The following SMAD5 variants were observed in gnomAD, a reference collection of about 807,000 sequenced individuals.
SMAD5 encodes the protein MAD, mothers against decapentaplegic homolog 5.
In SMAD5, 9 loss-of-function variants were observed where a neutral mutation model predicts 43.1. The ratio of observed to expected loss-of-function variants is 0.21; its 90% CI spans 0.13 to 0.36. SMAD5 has a LOEUF of 0.36. Ranked by LOEUF, SMAD5 falls within the 10% of genes least tolerant of loss-of-function variation. The pLI, the probability that SMAD5 is intolerant of heterozygous loss-of-function variation, is 1.00. For synonymous variants in SMAD5, 190 were observed against 192.4 expected, an observed-to-expected ratio of 0.99 and a Z score of 0.10; for missense variants, 348 against 574.0, an observed-to-expected ratio of 0.61 and a Z score of 4.02.
At position 136,174,429 on chromosome 5, in the gene SMAD5, A is replaced by G. The variant is rs1246610377; in HGVS notation, c.1051A>G (p.Ser351Gly). The G allele has an allele frequency of 3.1e-6, 5 of 1,613,612 alleles. No homozygotes were observed. The Admixed American group carries it at 8.3e-5, about 27-fold the overall frequency. Residue 351 changes from serine to glycine, a missense_variant, in exon 7 of 8, where the codon AGC (serine) becomes GGC (glycine). Ser to Gly is a moderately conservative substitution (Grantham distance 56). Transcript: ENST00000545279. ...GEVYAECLSD[S>G]SIFVQSRNCN... ...GGTGTATGCGGAATGCCTCAGTGAC[A>G]GCAGCATATTTGTACAGAGTAGGAA...
chr5:136,139,126 C>CTGTGTGTGTG lies in SMAD5; in HGVS notation c.-245+6165_-245+6166insGTGTGTGTGT, dbSNP rs33970909. On this transcript the variant is annotated intron_variant, in intron 1 of 7. Coordinates refer to ENST00000545279, the MANE Select transcript of SMAD5 (RefSeq NM_005903.7). ...TTCACTTTAGAAATCTAGCTGTGAGCTCTGTGTGTGTGTGTGTGTGTGTGT... is the reference window on the plus strand; with the variant it reads ...TTCACTTTAGAAATCTAGCTGTGAGCTGTGTGTGTGTCTGTGTGTGTGTGTGTGTGTGTGT... 1.2e-3 allele frequency among the ~76,000 whole-genome samples: 168 copies of CTGTGTGTGTG among 139,964 alleles called. 1 individual carries two copies. The highest frequency in any genetic ancestry group is 5.0e-3 in the African/African-American group (160 of 32,314). 91.8% of individuals were successfully genotyped at this position (139,964 alleles called of 152,430 possible).
intron 3 of SMAD5, among the ~76,000 whole-genome samples, chr5:136,154,716 A>AT (rs1753576323): frequency 6.6e-6 from 1 of 151,720 alleles, no homozygotes; most frequent in South Asian, 2.1e-4. Context: ...TTTATGTTTC[A>AT]TTTTTTTCTT....
rs1224117853 is a variant in SMAD5, at chr5:136,180,220, C to G, written c.*2740C>G. 6.6e-6 allele frequency: 1 copy of G among 152,100 alleles called. No individual in the cohort carries two copies. Among genetic ancestry groups the G allele is most frequent in the Non-Finnish European group, 1.5e-5 (1 of 67,990 alleles). The allele number at this position is 152,100 out of a possible 1,614,324, so 9.4% of individuals were successfully genotyped here. A position where few individuals can be genotyped will look rare whatever the true frequency, so the allele number is the denominator to read the frequency against. ...AATTTGCTAGTAAGATTTTTAAAAA[C>G]TGGCTAGTGAAAGGAAAGTACCTCT... is the stretch of plus-strand genomic sequence containing the variant. On this transcript the variant is annotated 3_prime_UTR_variant, in exon 8 of 8. Coordinates refer to ENST00000545279, the MANE Select transcript of SMAD5 (RefSeq NM_005903.7).
chr5:136,135,084 G>C (rs1752829625), intron 1 of SMAD5, among the ~76,000 whole-genome samples: 2 of 152,188 alleles, frequency 1.3e-5, no homozygotes, highest in Admixed American at 1.3e-4. Flanking sequence ...ACTGTGGTAG[G>C]CGCCACAGAA....
intron 1 of SMAD5, among the ~76,000 whole-genome samples, chr5:136,141,441 G>T (rs565611406): frequency 2.0e-5 from 3 of 152,292 alleles, no homozygotes; most frequent in Admixed American, 2.0e-4. Flanking sequence ...ACATATAGGG[G>T]TATAGTTTGG....
chr5:136,165,869 A>G (rs769574893), intron 5 of SMAD5, among the ~76,000 whole-genome samples: 1 of 151,832 alleles, frequency 6.6e-6, no homozygotes, highest in Non-Finnish European at 1.5e-5. Flanking sequence ...TATTGTGAAT[A>G]ATACTACTGT....
intron 2 of SMAD5, among the ~76,000 whole-genome samples, chr5:136,151,621 C>T (rs1753465153): frequency 6.6e-6 from 1 of 151,982 alleles, no homozygotes; most frequent in African/African-American, 2.4e-5. Flanking sequence ...GGTCTTGAAG[C>T]TCCTGTCTTT....
rs1345025185 is a variant in SMAD5 at position 136,178,313 on chromosome 5, T to G, written c.*833T>G. On this transcript the variant is annotated 3_prime_UTR_variant, in exon 8 of 8. Transcript: ENST00000545279. ...GCAAGAACTCTATTTTTGACATGCATTAATCTTTTATTTTGCACTTTTATG... is the reference window on the plus strand; with the variant it reads ...GCAAGAACTCTATTTTTGACATGCAGTAATCTTTTATTTTGCACTTTTATG... 1 of 152,632 alleles carries G rather than the reference T, an allele frequency of 6.6e-6. No homozygotes were observed. Among genetic ancestry groups the G allele is most frequent in the Non-Finnish European group, 1.5e-5 (1 of 68,036 alleles). 9.5% of individuals were successfully genotyped at this position (152,632 alleles called of 1,614,324 possible). A position where few individuals can be genotyped will look rare whatever the true frequency, so the allele number is the denominator to read the frequency against.
At position 136,177,327 on chromosome 5, in the gene SMAD5, A is replaced by T; in HGVS notation, c.1255-10A>T. 1.2e-6 allele frequency: 2 copies of T among 1,613,378 alleles called. No homozygotes were observed. Among genetic ancestry groups the T allele is most frequent in the Admixed American group, 3.3e-5 (2 of 59,984 alleles). On this transcript the variant is annotated splice_polypyrimidine_tract_variant and intron_variant, in intron 7 of 7. Transcript: ENST00000545279. Reference sequence around the variant, plus strand: ...GAGGGATTTGTGATGATATCTGTTCATTTTCATAGGGTTGGGGAGCAGAAT... The same window carrying T: ...GAGGGATTTGTGATGATATCTGTTCTTTTTCATAGGGTTGGGGAGCAGAAT...
At position 136,174,544 on chromosome 5, in the gene SMAD5, C is replaced by T. The variant is rs1201269896; in HGVS notation, c.1166C>T (p.Ala389Val). The T allele has an allele frequency of 6.2e-7, 1 of 1,613,590 alleles. No individual in the cohort carries two copies. Among genetic ancestry groups the T allele is most frequent in the Non-Finnish European group, 8.5e-7 (1 of 1,179,682 alleles). ...AAAATTTTTAACAATCAGGAGTTTGCTCAGCTTCTGGCTCAATCTGTCAAC... is the reference window on the plus strand; with the variant it reads ...AAAATTTTTAACAATCAGGAGTTTGTTCAGCTTCTGGCTCAATCTGTCAAC... The part of the protein sequence containing the change: ...SLKIFNNQEF[A>V]QLLAQSVNHG... Residue 389 changes from alanine to valine, a missense_variant, in exon 7 of 8, where the codon GCT (alanine) becomes GTT (valine). Transcript: ENST00000545279.
chr5:136,133,463 C>T (rs1435547038), intron 1 of SMAD5: 4 of 152,300 alleles, frequency 2.6e-5, no homozygotes, highest in African/African-American at 9.6e-5. Context: ...GATAAGGATC[C>T]GCGCTTATCG....
intron 6 of SMAD5, 84 bp downstream of exon 6, chr5:136,172,739 A>G (rs754383928): frequency 2.1e-6 from 2 of 930,718 alleles, no homozygotes; most frequent in African/African-American, 1.6e-5. Flanking sequence ...AAGGTGCTAG[A>G]AACATACAAA....
chr5:136,175,687 C>T (rs535518299), intron 7 of SMAD5, among the ~76,000 whole-genome samples: 5 of 152,296 alleles, frequency 3.3e-5, no homozygotes, highest in South Asian at 4.1e-4. Flanking sequence ...ACCTGTCACA[C>T]GCTGTGCATG....
chr5:136,150,631 A>G (rs200181282), intron 2 of SMAD5, among the ~76,000 whole-genome samples: 239 of 152,100 alleles, frequency 1.6e-3, no homozygotes, highest in African/African-American at 5.6e-3. Flanking sequence ...AAGAATGACT[A>G]AGATTTCTCT....
Position 136,161,072 on chromosome 5 carries a change from C to T in SMAD5, c.620C>T (p.Ala207Val). The change falls in exon 4 of 8, where the codon GCA becomes GTA. Residue 207 changes from alanine to valine, a missense_variant. By Grantham distance (64) the Ala-to-Val change is moderately conservative (BLOSUM62 0). Transcript: ENST00000545279. The part of the protein sequence containing the change: ...PASSTYPNSP[A>V]SSGPGSPFQL... ...AGCAGCACATATCCCAACTCCCCAGCAAGTTCTGGACCAGGAAGTCCATTT... is the reference window on the plus strand; with the variant it reads ...AGCAGCACATATCCCAACTCCCCAGTAAGTTCTGGACCAGGAAGTCCATTT... The T allele has an allele frequency of 6.2e-7, 1 of 1,613,612 alleles. No homozygotes were observed. The highest frequency in any genetic ancestry group is 8.5e-7 in the Non-Finnish European group (1 of 1,179,822).
chr5:136,158,022 T>G (rs1436594659), intron 3 of SMAD5, among the ~76,000 whole-genome samples: 1 of 152,162 alleles, frequency 6.6e-6, no homozygotes, highest in Non-Finnish European at 1.5e-5. Context: ...ATTAGATGAG[T>G]TGGTGCCTTA....
At chr5:136,172,358 G>C in intron 5 of SMAD5, 76 bp from the exon 6 acceptor site, 1 of 824,366 alleles carries the variant, frequency 1.2e-6, no homozygotes, top group Non-Finnish European at 1.9e-6. Context: ...ACTTGGGTTG[G>C]GTTAAAAGAT....
At position 136,169,106 on chromosome 5, in the gene SMAD5, G is replaced by A. The variant is rs575664632; in HGVS notation, c.776-3328G>A. On this transcript the variant is annotated intron_variant, in intron 5 of 7. Coordinates refer to ENST00000545279, the MANE Select transcript of SMAD5 (RefSeq NM_005903.7). ...CCTCAAAAGTAGGGAACCTGACAGTGCAGCCTTCAGTCTGTGGCCAAAGGC... is the reference window on the plus strand; with the variant it reads ...CCTCAAAAGTAGGGAACCTGACAGTACAGCCTTCAGTCTGTGGCCAAAGGC... Among the ~76,000 whole-genome samples, 3 of 152,192 alleles carry A rather than the reference G, an allele frequency of 2.0e-5. No individual in the cohort carries two copies. In the South Asian group the frequency reaches 6.2e-4, roughly 32 times the overall value.
intron 3 of SMAD5, among the ~76,000 whole-genome samples, chr5:136,158,998 A>T (rs1036962274): frequency 1.3e-5 from 2 of 152,230 alleles, no homozygotes; most frequent in African/African-American, 4.8e-5. Flanking sequence ...CGTTTAACAG[A>T]TCTGTTGGAA....
Sources: allele counts gnomAD v4.1 joint callset (sites outside exome capture counted in the v4.1 genomes callset), GRCh38; gene constraint gnomAD v4.1.1; transcripts MANE v1.5; gene names NCBI Gene and HGNC (gene_info 2026-07-23, HGNC 2026-07-21).